SLC5A4: variants seen among roughly 807,000 people sequenced by gnomAD.
SLC5A4 encodes the protein solute carrier family 5 member 4, also known as probable glucose sensor protein SLC5A4.
Under a neutral mutation model 70.3 loss-of-function variants are expected in SLC5A4, and 55 were observed. The ratio of observed to expected loss-of-function variants is 0.78; its 90% confidence interval spans 0.63 to 0.98. The LOEUF (loss-of-function observed/expected upper bound fraction) is 0.98, where lower values mean the gene tolerates loss of function less well. Among genes scored for constraint, SLC5A4 ranks in the 50% least tolerant of loss-of-function variants. The pLI is 0.00. For missense variants in SLC5A4, 735 were observed against 839.2 expected, an observed-to-expected ratio of 0.88 and a Z score of 1.53; for synonymous variants, 268 against 305.7, an observed-to-expected ratio of 0.88 and a Z score of 1.29.
chr22:32,248,706 A>C, intron 4 of SLC5A4, 37 bp downstream of exon 4: 1 of 1,409,880 alleles, frequency 7.1e-7, no homozygotes, highest in Non-Finnish European at 1.0e-6. Context: ...AGCAGTGCCT[A>C]GAACTGAACT....
At chr22:32,258,632 T>C (rs1927603328), upstream of SLC5A4, among the ~76,000 whole-genome samples, 1 of 152,210 alleles carries the variant, frequency 6.6e-6, no homozygotes, top group Non-Finnish European at 1.5e-5. Context: ...TACACTGTTG[T>C]TGAGGGTGCA....
chr22:32,254,187 A>G lies in SLC5A4; in HGVS notation c.162T>C (p.Thr54=), dbSNP rs188556013. ...GACCAGCGAGGAAGAAGCCTCCTAT[A>G]GTACCTCGGTTGGTCTTCAGCATCG... is the stretch of plus-strand genomic sequence containing the variant. ...LWAMLKTNRG[T]IGGFFLAGRD... Residue 54 remains threonine (T), a synonymous_variant, in exon 2 of 15, where the codon ACT becomes ACC. Transcript: ENST00000266086. 1.5e-5 allele frequency: 24 copies of G among 1,614,034 alleles called. No homozygotes were observed. The highest frequency in any genetic ancestry group is 1.9e-5 in the Non-Finnish European group (23 of 1,179,886).
the SLC5A4 span, among the ~76,000 whole-genome samples, chr22:32,346,412 A>G: frequency 6.6e-6 from 1 of 152,132 alleles, no homozygotes; most frequent in Non-Finnish European, 1.5e-5. Flanking sequence ...TCCTAAGCCA[A>G]AAGAACAAAG....
intron 5 of SLC5A4, among the ~76,000 whole-genome samples, chr22:32,240,966 G>A (rs1401076909): frequency 3.3e-5 from 5 of 152,204 alleles, no homozygotes; most frequent in Non-Finnish European, 5.9e-5. Flanking sequence ...CATAGTTTGT[G>A]AACTTCCATG....
the SLC5A4 span, among the ~76,000 whole-genome samples, chr22:32,354,538 C>G: frequency 1.3e-5 from 2 of 152,124 alleles, no homozygotes; most frequent in South Asian, 4.1e-4. Context: ...ATGCAACACC[C>G]GATAGTTCTT....
chr22:32,239,554 A>ATTTATATATATATATATTTATATATATT (rs1471569628), intron 5 of SLC5A4, among the ~76,000 whole-genome samples: 1 of 16,854 alleles, frequency 5.9e-5, no homozygotes, highest in Non-Finnish European at 9.0e-5. Context: ...ATATATATAT[A>ATTTATATATATATATATTTATATATATT]TATATATATA....
At chr22:32,309,787 CAGAGG>C in the SLC5A4 span, among the ~76,000 whole-genome samples, 1 of 152,052 alleles carries the variant, frequency 6.6e-6, no homozygotes, top group African/African-American at 2.4e-5. Context: ...AGATAAGAAG[CAGAGG>C]CTCTGAGAGG....
intron 14 of SLC5A4, among the ~76,000 whole-genome samples, chr22:32,219,804 C>T (rs891973264): frequency 3.3e-5 from 5 of 151,694 alleles, no homozygotes; most frequent in South Asian, 2.1e-4. Context: ...TTAAGAAAAA[C>T]GATAAATCAC....
chr22:32,230,885 G>T, intron 10 of SLC5A4, 83 bp downstream of exon 10: 1 of 794,786 alleles, frequency 1.3e-6, no homozygotes, highest in South Asian at 1.5e-5. Context: ...TTAATGGAAG[G>T]TGCAAGAATT....
the SLC5A4 span, among the ~76,000 whole-genome samples, chr22:32,303,457 T>C: frequency 6.6e-6 from 1 of 152,172 alleles, no homozygotes; most frequent in African/African-American, 2.4e-5. Context: ...AGTGAAACAA[T>C]AGGTCAGAGG....
At chr22:32,283,174 G>T in the SLC5A4 span, among the ~76,000 whole-genome samples, 1 of 152,122 alleles carries the variant, frequency 6.6e-6, no homozygotes, top group African/African-American at 2.4e-5. Flanking sequence ...CCTGTTCACT[G>T]GGCTCTCAGC....
At chr22:32,292,579 C>A in the SLC5A4 span, among the ~76,000 whole-genome samples, 2 of 151,080 alleles carry the variant, frequency 1.3e-5, no homozygotes, top group East Asian at 3.9e-4. Context: ...GACTTCAGGA[C>A]TGTGAGAAAT....
At chr22:32,329,700 G>GA in the SLC5A4 span, among the ~76,000 whole-genome samples, 3 of 25,466 alleles carry the variant, frequency 1.2e-4, no homozygotes, top group Non-Finnish European at 1.4e-4. Flanking sequence ...TGTGTGTTGG[G>GA]GGCTCTGGTG....
chr22:32,272,799 C>T, the SLC5A4 span: 72 of 508,368 alleles, frequency 1.4e-4, no homozygotes, highest in African/African-American at 9.2e-4. Context: ...ATAAGCATAT[C>T]GCGTGGTTCG....
chr22:32,332,095 A>C, the SLC5A4 span, among the ~76,000 whole-genome samples: 1 of 132,560 alleles, frequency 7.5e-6, no homozygotes, highest in African/African-American at 2.9e-5. Flanking sequence ...CCTCCCCACC[A>C]CCACCCTCGG....
chr22:32,255,076 G>T, intron 1 of SLC5A4, 119 bp downstream of exon 1: 2 of 950,160 alleles, frequency 2.1e-6, no homozygotes, highest in Non-Finnish European at 3.3e-6. Context: ...ACAAGAAAAT[G>T]ATTCTGATAA....
the SLC5A4 span, among the ~76,000 whole-genome samples, chr22:32,298,813 T>C: frequency 8.6e-6 from 1 of 116,594 alleles, no homozygotes; most frequent in Non-Finnish European, 1.8e-5. Flanking sequence ...TTTCCATGTT[T>C]AGCACTTCCT....
chr22:32,298,113 A>G, the SLC5A4 span, among the ~76,000 whole-genome samples: 1 of 136,686 alleles, frequency 7.3e-6, no homozygotes, highest in Non-Finnish European at 1.6e-5. Context: ...TGTGGTGCTG[A>G]AAAAAATGTA....
At chr22:32,309,165 C>T in the SLC5A4 span, among the ~76,000 whole-genome samples, 5 of 138,242 alleles carry the variant, frequency 3.6e-5, no homozygotes, top group Non-Finnish European at 8.5e-5. Context: ...ATGAGGGCAG[C>T]GAGCCAGCAG....
Sources: gnomAD v4.1 joint callset for allele counts (sites outside exome capture counted in the v4.1 genomes callset) on GRCh38, gnomAD v4.1.1 for gene constraint, MANE v1.5 for transcripts, NCBI Gene and HGNC (gene_info 2026-07-23, HGNC 2026-07-21) for gene names.